Variants in POT1 observed in about 807,000 individuals in gnomAD.
POT1 encodes the protein protection of telomeres protein 1.
A neutral mutation model predicts 78.5 loss-of-function variants in POT1; 47 were observed. That is an observed-to-expected ratio of 0.60 (90% CI 0.47 to 0.76). POT1 has a LOEUF of 0.76. Ranked by LOEUF, POT1 falls within the 30% of genes least tolerant of loss-of-function variation. The pLI, the probability that POT1 is intolerant of heterozygous loss-of-function variation, is 0.00. For missense variants in POT1, 646 were observed against 749.9 expected, an observed-to-expected ratio of 0.86 and a Z score of 1.62; for synonymous variants, 259 against 260.7, an observed-to-expected ratio of 0.99 and a Z score of 0.06.
chr7:124,851,814 T>G, intron 11 of POT1, 58 bp downstream of exon 11: 2 of 1,162,064 alleles, frequency 1.7e-6, no homozygotes, highest in Non-Finnish European at 2.6e-6. Flanking sequence ...AGAATTATGT[T>G]GATAAAACTA....
chr7:124,837,188 A>G lies in POT1; in HGVS notation c.1370-1774T>C, dbSNP rs1290228299. 3 of 300,376 alleles carry G rather than the reference A, an allele frequency of 1.0e-5. No homozygotes were observed. In the East Asian group the frequency reaches 3.4e-4, roughly 34 times the overall value. 18.6% of individuals were successfully genotyped at this position (300,376 alleles called of 1,614,324 possible). On this transcript the variant is annotated intron_variant, in intron 14 of 18. Transcript: ENST00000357628. Reference sequence around the variant, plus strand: ...GGTCTCAGTTTCCTCTTCTGTTTACAAAGGGGATATATCCAGCTTACAGAA... The same window carrying G: ...GGTCTCAGTTTCCTCTTCTGTTTACGAAGGGGATATATCCAGCTTACAGAA...
chr7:124,865,151 T>C (rs1795690089), intron 7 of POT1, among the ~76,000 whole-genome samples: 1 of 152,198 alleles, frequency 6.6e-6, no homozygotes, highest in Non-Finnish European at 1.5e-5. Context: ...TGGGTGTCAC[T>C]GTCTCTGGTA....
rs181835543 is a variant in POT1 at position 124,893,355 on chromosome 7, A to G, written c.10-975T>C. Among the ~76,000 whole-genome samples, 3 of 151,458 alleles carry G rather than the reference A, an allele frequency of 2.0e-5. No individual in the cohort carries two copies. In the Admixed American group the frequency reaches 2.0e-4, roughly 10 times the overall value. ...TTTGAGTCATAAATGGTATAAAAAG[A>G]TTTAAAATGCTAATAATGAAACCCT... On this transcript the variant is annotated intron_variant, in intron 5 of 18. Coordinates refer to ENST00000357628, the MANE Select transcript of POT1 (RefSeq NM_015450.3).
At chr7:124,832,972 G>C (rs1794805614) in intron 15 of POT1, among the ~76,000 whole-genome samples, 1 of 152,038 alleles carries the variant, frequency 6.6e-6, no homozygotes, top group Non-Finnish European at 1.5e-5. Context: ...AGGCAAAATA[G>C]AGAGAAAGGG....
At chr7:124,873,733 T>C (rs1013359180) in intron 6 of POT1, among the ~76,000 whole-genome samples, 1 of 152,162 alleles carries the variant, frequency 6.6e-6, no homozygotes, top group Non-Finnish European at 1.5e-5. Context: ...ATTCAGAAAA[T>C]GCATTGACTT....
At chr7:124,872,195 G>A (rs6943653) in intron 6 of POT1, among the ~76,000 whole-genome samples, 32,950 of 152,108 alleles carry the variant, frequency 0.22, 3,999 homozygotes, top group East Asian at 0.3. Flanking sequence ...ATTCCACTGT[G>A]TATACAGACC....
At chr7:124,887,840 G>T (rs1584789052) in intron 6 of POT1, among the ~76,000 whole-genome samples, 1 of 152,110 alleles carries the variant, frequency 6.6e-6, no homozygotes, top group Non-Finnish European at 1.5e-5. Context: ...AAACACAGGT[G>T]AAGTGTGTGT....
At chr7:124,913,026 A>G (rs1284218062) in intron 3 of POT1, among the ~76,000 whole-genome samples, 22 of 152,198 alleles carry the variant, frequency 1.4e-4, no homozygotes, top group Admixed American at 1.4e-3. Flanking sequence ...AGCAAGTCAC[A>G]TCTCATGTGG....
chr7:124,928,299 C>T (rs2116731436), intron 2 of POT1, among the ~76,000 whole-genome samples: 1 of 152,266 alleles, frequency 6.6e-6, no homozygotes, highest in Middle Eastern at 3.4e-3. Context: ...CAAAGTAAAT[C>T]ATGTCTTTCT....
chr7:124,861,086 TAG>T (rs1280515589), intron 8 of POT1, among the ~76,000 whole-genome samples: 1 of 152,208 alleles, frequency 6.6e-6, no homozygotes, highest in Non-Finnish European at 1.5e-5. Context: ...TGTGTCTTTA[TAG>T]GAGAATGATT....
At chr7:124,864,434 G>A (rs932781715) in intron 7 of POT1, among the ~76,000 whole-genome samples, 20 of 151,946 alleles carry the variant, frequency 1.3e-4, no homozygotes, top group African/African-American at 4.6e-4. Flanking sequence ...TATTAACATG[G>A]CCATATTTGA....
intron 6 of POT1, among the ~76,000 whole-genome samples, chr7:124,872,765 G>A (rs548971369): frequency 9.8e-5 from 15 of 152,292 alleles, no homozygotes; most frequent in African/African-American, 3.4e-4. Flanking sequence ...GGATCATATG[G>A]TAGTTCTAAT....
rs545718810 is a variant in POT1 at position 124,923,962 on chromosome 7, TAA to T, written c.-227+4851_-227+4852del. On this transcript the variant is annotated intron_variant, in intron 2 of 18. Coordinates refer to ENST00000357628, the MANE Select transcript of POT1 (RefSeq NM_015450.3). ...ATCCTGCCAGAATAAGCTTAATAAA[TAA>T]AAGAGATATAAAAAATTTCCCAGAT... 4.6e-3 allele frequency among the ~76,000 whole-genome samples: 687 copies of T among 150,600 alleles called. 1 individual carries two copies. Among genetic ancestry groups the T allele is most frequent in the Non-Finnish European group, 7.8e-3 (528 of 67,442 alleles).
intron 15 of POT1, among the ~76,000 whole-genome samples, chr7:124,831,184 T>C (rs1794750094): frequency 6.6e-6 from 1 of 152,150 alleles, no homozygotes; most frequent in Non-Finnish European, 1.5e-5. Context: ...ATACCAAGTG[T>C]TGGAGTGAAC....
At chr7:124,824,120 A>G (rs1794574458) in intron 18 of POT1, 46 bp from the exon 19 acceptor site, 1 of 1,211,468 alleles carries the variant, frequency 8.3e-7, no homozygotes, top group African/African-American at 1.5e-5. Context: ...TTAAAACAAA[A>G]TAAATAACTC....
At chr7:124,853,725 G>A (rs369025339) in intron 9 of POT1, among the ~76,000 whole-genome samples, 1 of 150,792 alleles carries the variant, frequency 6.6e-6, no homozygotes, top group Non-Finnish European at 1.5e-5. Flanking sequence ...GAGTTCAAAC[G>A]TAAGAGTTAA....
intron 6 of POT1, among the ~76,000 whole-genome samples, chr7:124,871,838 A>G (rs1795878720): frequency 6.6e-6 from 1 of 151,916 alleles, no homozygotes; most frequent in Non-Finnish European, 1.5e-5. Context: ...AAATCTAGCT[A>G]ATGAAAATAC....
chr7:124,919,111 T>C (rs191115462), intron 2 of POT1, among the ~76,000 whole-genome samples: 74 of 152,302 alleles, frequency 4.9e-4, no homozygotes, highest in Middle Eastern at 3.4e-3. Context: ...ACAATATAGC[T>C]TATTGCTTTT....
At chr7:124,846,252 G>A (rs980509850) in intron 12 of POT1, among the ~76,000 whole-genome samples, 3 of 151,522 alleles carry the variant, frequency 2.0e-5, no homozygotes, top group South Asian at 2.1e-4. Context: ...CAGCTACATC[G>A]ACTTCTGTAT....
Sources: allele counts gnomAD v4.1 joint callset (sites outside exome capture counted in the v4.1 genomes callset), GRCh38; gene constraint gnomAD v4.1.1; transcripts MANE v1.5; gene names NCBI Gene and HGNC (gene_info 2026-07-23, HGNC 2026-07-21).